The following PMP22 variants were observed in gnomAD, a reference collection of about 807,000 sequenced individuals.
PMP22 encodes peripheral myelin protein 22, also known as Charcot-Marie-Tooth neuropathy 1A (greatly reduced nerve conduction velocity, hereditary motor sensory neuropathy Ia).
PMP22 carries 2 observed loss-of-function variants against 18.9 expected under a neutral mutation model. The ratio of observed to expected loss-of-function variants is 0.11; its 90% CI spans 0.04 to 0.33. The LOEUF is 0.33. PMP22 is among the 10% of genes least tolerant of loss of function. The pLI, the probability that PMP22 is intolerant of heterozygous loss-of-function variation, is 1.00. For missense variants in PMP22, 169 were observed against 202.2 expected (o/e 0.84, Z 1.00); for synonymous variants, 95 against 89.2 (o/e 1.07, Z -0.37).
At chr17:15,252,366 C>T (rs1322092337) in intron 3 of PMP22, among the ~76,000 whole-genome samples, 1 of 152,146 alleles carries the variant, frequency 6.6e-6, no homozygotes, top group African/African-American at 2.4e-5. Context: ...TAATTCCTCA[C>T]ACAACCTATT....
chr17:15,233,383 C>A (rs969615777), intron 4 of PMP22, among the ~76,000 whole-genome samples: 1 of 152,250 alleles, frequency 6.6e-6, no homozygotes, highest in Non-Finnish European at 1.5e-5. Flanking sequence ...ATGTGCTGAG[C>A]ATTCAACTTA....
intron 3 of PMP22, 79 bp from the exon 4 acceptor site, chr17:15,239,690 G>T (rs895268706): frequency 2.0e-5 from 29 of 1,452,490 alleles, no homozygotes; most frequent in African/African-American, 2.8e-5. Flanking sequence ...GGGCCTGAAG[G>T]GCCATGACTG....
intron 2 of PMP22, chr17:15,260,323 C>G (rs1597635027): frequency 2.7e-6 from 1 of 375,548 alleles, no homozygotes; most frequent in African/African-American, 2.0e-5. Flanking sequence ...TACTCCTCTT[C>G]TTCAACGAGG....
chr17:15,254,180 A>G (rs543715329), intron 3 of PMP22, among the ~76,000 whole-genome samples: 15 of 152,374 alleles, frequency 9.8e-5, no homozygotes, highest in African/African-American at 3.6e-4. Flanking sequence ...TCTGAAGATT[A>G]AGACCAATGA....
intron 3 of PMP22, among the ~76,000 whole-genome samples, chr17:15,249,180 T>G (rs112973728): frequency 9.5e-4 from 144 of 152,298 alleles, no homozygotes; most frequent in African/African-American, 3.3e-3. Context: ...CCTACTGCAA[T>G]TCTACCCCAT....
intron 3 of PMP22, among the ~76,000 whole-genome samples, chr17:15,253,843 T>C (rs1417813582): frequency 7.2e-5 from 11 of 152,312 alleles, no homozygotes; most frequent in Admixed American, 7.2e-4. Flanking sequence ...CTTTATCCCA[T>C]TACCCTGTCT....
At chr17:15,262,979 C>T (rs1466701949) in intron 1 of PMP22, among the ~76,000 whole-genome samples, 2 of 152,208 alleles carry the variant, frequency 1.3e-5, no homozygotes, top group Non-Finnish European at 2.9e-5. Context: ...TAATAGAGGG[C>T]AGCGGGCGCT....
chr17:15,250,041 G>C (rs181449796), intron 3 of PMP22, among the ~76,000 whole-genome samples: 1 of 152,042 alleles, frequency 6.6e-6, no homozygotes, highest in Non-Finnish European at 1.5e-5. Context: ...TCAGCCTCCC[G>C]AGTAGCTGGG....
At chr17:15,263,658 A>G (rs920906369) in intron 1 of PMP22, among the ~76,000 whole-genome samples, 1 of 152,158 alleles carries the variant, frequency 6.6e-6, no homozygotes, top group African/African-American at 2.4e-5. Context: ...CAATGATTCA[A>G]ATAATTCTAT....
At chr17:15,259,874 G>T (rs1351506105) in intron 2 of PMP22, among the ~76,000 whole-genome samples, 4 of 149,572 alleles carry the variant, frequency 2.7e-5, no homozygotes, top group Non-Finnish European at 5.9e-5. Context: ...GAAGGCAGAG[G>T]TTGCAGTAAG....
At chr17:15,231,106 G>A (rs1278833058) in intron 4 of PMP22, 26 bp from the exon 5 acceptor site, 2 of 1,612,290 alleles carry the variant, frequency 1.2e-6, no homozygotes, top group Non-Finnish European at 1.7e-6. Flanking sequence ...GACAAGCTGG[G>A]TGACGGAGAG....
chr17:15,255,495 G>T (rs1908743011), intron 3 of PMP22, among the ~76,000 whole-genome samples: 3 of 151,702 alleles, frequency 2.0e-5, no homozygotes, highest in Non-Finnish European at 4.4e-5. Flanking sequence ...GCAAAGAAAT[G>T]AGCTAGAAAG....
At position 15,260,741 on chromosome 17, in the gene PMP22, T is replaced by G. The variant is rs1351513023; in HGVS notation, c.-14A>C. On this transcript the variant is annotated 5_prime_UTR_variant, in exon 2 of 5. Coordinates refer to ENST00000312280, the MANE Select transcript of PMP22 (RefSeq NM_000304.4). ...CAGGAGGAGCATTCTGGCGGCAAGT[T>G]CTGCTCAGCGGAGTTTCTGCCTGCG... The G allele has an allele frequency of 3.2e-6, 5 of 1,551,204 alleles. No individual in the cohort carries two copies. Among genetic ancestry groups the G allele is most frequent in the Non-Finnish European group, 4.4e-6 (5 of 1,146,432 alleles).
chr17:15,260,595 G>A (rs1448179252), intron 2 of PMP22, 55 bp downstream of exon 2: 2 of 1,414,500 alleles, frequency 1.4e-6, no homozygotes, highest in East Asian at 5.0e-5. Flanking sequence ...CACGGGCTGG[G>A]AACCCAGATG....
chr17:15,238,998 G>A (rs1008120475), intron 4 of PMP22, among the ~76,000 whole-genome samples: 1 of 152,144 alleles, frequency 6.6e-6, no homozygotes, highest in Non-Finnish European at 1.5e-5. Context: ...TTGTCAGTGT[G>A]GCTTCATCAC....
intron 3 of PMP22, among the ~76,000 whole-genome samples, chr17:15,254,240 C>T (rs116158190): frequency 0.011 from 1,607 of 152,202 alleles, 31 homozygotes; most frequent in African/African-American, 0.036. Context: ...TAGGTTTGTG[C>T]TTTTTTAAAT....
chr17:15,255,851 G>A (rs1021584655), intron 3 of PMP22, among the ~76,000 whole-genome samples: 2 of 152,142 alleles, frequency 1.3e-5, no homozygotes, highest in African/African-American at 2.4e-5. Flanking sequence ...CTGTCTGCCT[G>A]CCTCCCTTTG....
At chr17:15,262,170 C>T (rs1353321334) in intron 1 of PMP22, among the ~76,000 whole-genome samples, 1 of 152,184 alleles carries the variant, frequency 6.6e-6, no homozygotes, top group Non-Finnish European at 1.5e-5. Context: ...GAGAACTGGG[C>T]CGCCCTTATC....
chr17:15,232,531 A>T (rs1906448617), intron 4 of PMP22: 1 of 152,222 alleles, frequency 6.6e-6, no homozygotes, highest in South Asian at 2.1e-4. Flanking sequence ...CACGGCTTGC[A>T]TCTCCAAAGT....
Sources: allele counts gnomAD v4.1 joint callset (sites outside exome capture counted in the v4.1 genomes callset), GRCh38; gene constraint gnomAD v4.1.1; transcripts MANE v1.5; gene names NCBI Gene and HGNC (gene_info 2026-07-23, HGNC 2026-07-21).